Variants in DCHS2 observed in about 807,000 individuals in gnomAD.
The protein encoded by DCHS2 is protocadherin-23.
In DCHS2, 142 loss-of-function variants were observed where a neutral mutation model predicts 182.4. The observed-to-expected ratio is 0.78, with a 90% confidence interval of 0.68 to 0.89. The LOEUF (loss-of-function observed/expected upper bound fraction) is 0.89, where lower values mean the gene tolerates loss of function less well. Among genes scored for constraint, DCHS2 ranks in the 40% least tolerant of loss-of-function variants. DCHS2 has a pLI of 0.00. For synonymous variants in DCHS2, 1,740 were observed against 1,663.3 expected, an observed-to-expected ratio of 1.05 and a Z score of -1.12; for missense variants, 4,319 against 4,198.6, an observed-to-expected ratio of 1.03 and a Z score of -0.79.
At position 154,237,060 on chromosome 4, in the gene DCHS2, G is replaced by C. The variant is rs370691497; in HGVS notation, c.7592C>G (p.Ala2531Gly). Residue 2531 changes from alanine to glycine, a missense_variant, in exon 20 of 20, where the codon GCT (alanine) becomes GGT (glycine). By Grantham distance (60) the Ala-to-Gly change is moderately conservative. Transcript: ENST00000357232. ...ASDGGNPDLR[A>G]LTLVEIGIED... ...TATTCCTATCTCCACTAAAGTAAGA[G>C]CTCTCAGGTCAGGATTTCCACCATC... 1.2e-6 allele frequency: 2 copies of C among 1,613,778 alleles called. No homozygotes were observed. Among genetic ancestry groups the C allele is most frequent in the Admixed American group, 1.7e-5 (1 of 59,984 alleles).
At chr4:154,323,195 G>GT in intron 7 of DCHS2, 1 of 1,550,286 alleles carries the variant, frequency 6.5e-7, no homozygotes, top group Non-Finnish European at 8.7e-7. Flanking sequence ...CTATTCTTAT[G>GT]TTTTCCTTAA....
chr4:154,398,154 C>T (rs150647012), intron 1 of DCHS2, among the ~76,000 whole-genome samples: 2,516 of 152,270 alleles, frequency 0.017, 232 homozygotes, highest in Admixed American at 0.15. Flanking sequence ...AAATCTATGT[C>T]GCCATAAGGC....
rs1416873595 is a variant in DCHS2 at position 154,361,426 on chromosome 4, A to G, written c.2476+4784T>C. Among the ~76,000 whole-genome samples, 5 of 152,346 alleles carry G rather than the reference A, an allele frequency of 3.3e-5. No homozygotes were observed. The Middle Eastern group carries it at 0.014, about 415-fold the overall frequency. On this transcript the variant is annotated intron_variant, in intron 3 of 19. Coordinates refer to ENST00000357232, the MANE Select transcript of DCHS2 (RefSeq NM_001358235.2). ...AACTGCTCTTTTAATGTTACTAAAG[A>G]GAGCACTTCAAACGATGGAGGAAGA...
chr4:154,468,024 T>C (rs1735307267), intron 1 of DCHS2, among the ~76,000 whole-genome samples: 1 of 152,146 alleles, frequency 6.6e-6, no homozygotes, highest in African/African-American at 2.4e-5. Flanking sequence ...TTGGTTTCAA[T>C]GCCTGACCAC....
intron 18 of DCHS2, among the ~76,000 whole-genome samples, chr4:154,240,238 T>C (rs1731736622): frequency 6.6e-6 from 1 of 151,716 alleles, no homozygotes; most frequent in Admixed American, 6.6e-5. Flanking sequence ...CAAACAGTCT[T>C]ATCAGTGGTT....
chr4:154,486,644 G>C, intron 1 of DCHS2: 1 of 951,410 alleles, frequency 1.1e-6, no homozygotes, highest in Non-Finnish European at 1.4e-6. Flanking sequence ...GGCAAGATGG[G>C]GGAGTTGGTT....
chr4:154,427,668 G>C (rs1733386395), intron 1 of DCHS2, among the ~76,000 whole-genome samples: 1 of 152,174 alleles, frequency 6.6e-6, no homozygotes, highest in African/African-American at 2.4e-5. Flanking sequence ...AAAAGGAAAG[G>C]GGATCCAAGA....
intron 3 of DCHS2, chr4:154,352,341 C>G (rs1447754621): frequency 6.6e-6 from 1 of 152,056 alleles, no homozygotes; most frequent in Non-Finnish European, 1.5e-5. Context: ...AGAAGCTCAG[C>G]CTTCTGGGAA....
At chr4:154,442,167 A>C (rs1469659976) in intron 1 of DCHS2, among the ~76,000 whole-genome samples, 2 of 152,024 alleles carry the variant, frequency 1.3e-5, no homozygotes, top group African/African-American at 4.8e-5. Flanking sequence ...CAGTCAGACC[A>C]CCACTTATCC....
At chr4:154,360,959 A>G (rs1033562565) in intron 3 of DCHS2, among the ~76,000 whole-genome samples, 1 of 152,180 alleles carries the variant, frequency 6.6e-6, no homozygotes, top group African/African-American at 2.4e-5. Flanking sequence ...TGTCTGTTTT[A>G]TTCACTGATG....
intron 3 of DCHS2, among the ~76,000 whole-genome samples, chr4:154,362,593 C>T (rs144899680): frequency 6.6e-6 from 1 of 152,042 alleles, no homozygotes; most frequent in Non-Finnish European, 1.5e-5. Flanking sequence ...TACAGTTGAG[C>T]CTTGAATAAC....
At chr4:154,397,316 C>G (rs1731972677) in intron 1 of DCHS2, among the ~76,000 whole-genome samples, 1 of 152,126 alleles carries the variant, frequency 6.6e-6, no homozygotes, top group Admixed American at 6.6e-5. Flanking sequence ...ATTGTTTTCT[C>G]TATTTCTTTT....
intron 13 of DCHS2, among the ~76,000 whole-genome samples, chr4:154,276,540 A>C (rs958092547): frequency 2.0e-5 from 3 of 152,198 alleles, no homozygotes; most frequent in African/African-American, 7.2e-5. Flanking sequence ...GTTATTCCTA[A>C]GCAATGCCAA....
At chr4:154,365,651 C>CA (rs1165364209) in intron 3 of DCHS2, among the ~76,000 whole-genome samples, 4 of 147,302 alleles carry the variant, frequency 2.7e-5, no homozygotes. Context: ...GATAACAGTA[C>CA]TTTTTTTTTT....
At chr4:154,395,095 T>A (rs543583940) in intron 1 of DCHS2, among the ~76,000 whole-genome samples, 1 of 152,198 alleles carries the variant, frequency 6.6e-6, no homozygotes, top group East Asian at 1.9e-4. Flanking sequence ...GTGTTTTAAA[T>A]GAGATAATCT....
chr4:154,419,795 A>T (rs1361086040), intron 1 of DCHS2, among the ~76,000 whole-genome samples: 1 of 150,320 alleles, frequency 6.7e-6, no homozygotes, highest in Non-Finnish European at 1.5e-5. Context: ...TGATGCTAGA[A>T]CTAAATGTTT....
At chr4:154,467,777 T>C (rs1735298442) in intron 1 of DCHS2, among the ~76,000 whole-genome samples, 2 of 152,146 alleles carry the variant, frequency 1.3e-5, no homozygotes, top group South Asian at 2.1e-4. Context: ...CTTCATAAAA[T>C]AGGTGTATTT....
At chr4:154,485,237 A>G (rs1353437390) in intron 1 of DCHS2, among the ~76,000 whole-genome samples, 1 of 152,188 alleles carries the variant, frequency 6.6e-6, no homozygotes, top group African/African-American at 2.4e-5. Context: ...AAAAGGAAAA[A>G]GAGGAATTGG....
chr4:154,389,845 G>A (rs906853305), intron 1 of DCHS2, among the ~76,000 whole-genome samples: 1 of 151,872 alleles, frequency 6.6e-6, no homozygotes, highest in Admixed American at 6.6e-5. Flanking sequence ...GGAATAGAGT[G>A]TCTGCACAGG....
Sources: gnomAD v4.1 joint callset for allele counts (sites outside exome capture counted in the v4.1 genomes callset) on GRCh38, gnomAD v4.1.1 for gene constraint, MANE v1.5 for transcripts, NCBI Gene and HGNC (gene_info 2026-07-23, HGNC 2026-07-21) for gene names.